Variants in SGCD observed in about 807,000 individuals in gnomAD.
SGCD encodes the protein sarcoglycan delta.
A neutral mutation model predicts 36.6 loss-of-function variants in SGCD; 18 were observed. The observed-to-expected ratio is 0.49, with a 90% CI of 0.34 to 0.73. The LOEUF (loss-of-function observed/expected upper bound fraction) is 0.73. SGCD is among the 30% of genes least tolerant of loss of function. The pLI, the probability that SGCD is intolerant of heterozygous loss-of-function variation, is 0.01. For synonymous variants in SGCD, 133 were observed against 130.6 expected (o/e 1.02, Z -0.12); for missense variants, 387 against 346.7 (o/e 1.12, Z -0.92).
At chr5:156,389,187 C>G (rs1771432948) in intron 3 of SGCD, among the ~76,000 whole-genome samples, 1 of 152,218 alleles carries the variant, frequency 6.6e-6, no homozygotes, top group South Asian at 2.1e-4. Context: ...GCTACAAAAG[C>G]TGGGGGCAAC....
intron 3 of SGCD, among the ~76,000 whole-genome samples, chr5:156,362,419 G>T (rs961582366): frequency 6.6e-6 from 1 of 152,192 alleles, no homozygotes; most frequent in Non-Finnish European, 1.5e-5. Flanking sequence ...AGGCCCAGGC[G>T]GGCGGATCAT....
At chr5:156,565,198 G>C (rs1287874542) in intron 4 of SGCD, among the ~76,000 whole-genome samples, 1 of 151,908 alleles carries the variant, frequency 6.6e-6, no homozygotes, top group Non-Finnish European at 1.5e-5. Flanking sequence ...TAATCATTTT[G>C]TTTGCACAAT....
At chr5:156,691,958 GAGA>G in intron 7 of SGCD, among the ~76,000 whole-genome samples, 1 of 24,128 alleles carries the variant, frequency 4.1e-5, no homozygotes, top group Middle Eastern at 0.017. Flanking sequence ...AATGTAAAAG[GAGA>G]AGCTCTTAAT....
the SGCD span, among the ~76,000 whole-genome samples, chr5:155,791,508 C>T: frequency 6.6e-6 from 1 of 152,048 alleles, no homozygotes; most frequent in Admixed American, 6.6e-5. Context: ...ACATAGAAAA[C>T]CCTTAAGACT....
chr5:156,192,167 T>G (rs958706233), intron 3 of SGCD, among the ~76,000 whole-genome samples: 4 of 152,252 alleles, frequency 2.6e-5, no homozygotes, highest in Admixed American at 2.6e-4. Flanking sequence ...AAAGGAGTCA[T>G]CTTATAATCT....
In SGCD at chr5:156,483,356, A is replaced by T. The variant is rs77544580; in HGVS notation, c.193-25245A>T. Among the ~76,000 whole-genome samples, 1,035 of 152,300 alleles carry T rather than the reference A, an allele frequency of 6.8e-3. 16 individuals carry two copies. The highest frequency in any genetic ancestry group is 0.024 in the African/African-American group (982 of 41,558). ...GGTGTCAGACTGAGACATTTTTAGA[A>T]GGCAAAGAATCTCAGATGTCTGACT... is the stretch of plus-strand genomic sequence containing the variant. On this transcript the variant is annotated intron_variant, in intron 3 of 8. Coordinates refer to ENST00000337851, the MANE Select transcript of SGCD (RefSeq NM_000337.6).
chr5:156,393,724 G>T (rs554581096), intron 3 of SGCD: 1 of 456,196 alleles, frequency 2.2e-6, no homozygotes, highest in South Asian at 1.5e-5. Context: ...CTAACAAAGT[G>T]CTGTCTTACT....
chr5:156,094,012 T>G (rs190033624), intron 1 of SGCD, among the ~76,000 whole-genome samples: 15 of 152,296 alleles, frequency 9.8e-5, no homozygotes, highest in African/African-American at 3.4e-4. Flanking sequence ...ATGGTATTGC[T>G]CTGTGCAAAT....
chr5:155,732,655 A>G, the SGCD span, among the ~76,000 whole-genome samples: 1 of 152,336 alleles, frequency 6.6e-6, no homozygotes, highest in African/African-American at 2.4e-5. Flanking sequence ...GGTCACTTAC[A>G]TCTTAGTCAA....
At chr5:155,808,442 G>A in the SGCD span, among the ~76,000 whole-genome samples, 1 of 152,184 alleles carries the variant, frequency 6.6e-6, no homozygotes, top group African/African-American at 2.4e-5. Flanking sequence ...AACACAATGA[G>A]AGACAGAGAC....
At chr5:155,741,687 C>CTTTTT in the SGCD span, among the ~76,000 whole-genome samples, 24 of 132,240 alleles carry the variant, frequency 1.8e-4, no homozygotes, top group African/African-American at 2.2e-4. Flanking sequence ...CTTTTCTTTT[C>CTTTTT]TTTTTTTTTT....
At chr5:156,129,721 A>C (rs1240531667) in intron 3 of SGCD, among the ~76,000 whole-genome samples, 1 of 152,168 alleles carries the variant, frequency 6.6e-6, no homozygotes, top group African/African-American at 2.4e-5. Context: ...GCTTCCACTT[A>C]TAAGTGAGAA....
chr5:156,412,014 G>T (rs1166278667), intron 3 of SGCD, among the ~76,000 whole-genome samples: 1 of 152,204 alleles, frequency 6.6e-6, no homozygotes, highest in African/African-American at 2.4e-5. Flanking sequence ...GTTCCCTAAA[G>T]AGGAGAATTC....
chr5:156,677,681 G>C (rs1753567225), intron 7 of SGCD, among the ~76,000 whole-genome samples: 1 of 151,758 alleles, frequency 6.6e-6, no homozygotes, highest in Non-Finnish European at 1.5e-5. Context: ...AGAACTTAAA[G>C]TATATAGATA....
chr5:156,445,123 A>G (rs1296438728), intron 3 of SGCD, among the ~76,000 whole-genome samples: 1 of 152,158 alleles, frequency 6.6e-6, no homozygotes, highest in Non-Finnish European at 1.5e-5. Flanking sequence ...GAGAAGCCCT[A>G]ACTTAAAAGG....
At chr5:156,664,451 T>C (rs1375296880) in intron 7 of SGCD, among the ~76,000 whole-genome samples, 6 of 146,950 alleles carry the variant, frequency 4.1e-5, no homozygotes, top group African/African-American at 1.3e-4. Context: ...TGTCTTACTG[T>C]ATTAAATGAG....
At chr5:155,828,528 G>C in the SGCD span, among the ~76,000 whole-genome samples, 2 of 152,206 alleles carry the variant, frequency 1.3e-5, no homozygotes, top group Admixed American at 1.3e-4. Context: ...AATATCTATG[G>C]TAGATGTGTG....
chr5:156,511,222 C>A (rs10074497), intron 4 of SGCD, among the ~76,000 whole-genome samples: 2,908 of 152,198 alleles, frequency 0.019, 102 homozygotes, highest in African/African-American at 0.066. Context: ...AAAGAAGTAT[C>A]TTCTAACTGA....
intron 3 of SGCD, among the ~76,000 whole-genome samples, chr5:156,216,985 G>A (rs1764592290): frequency 6.6e-6 from 1 of 152,184 alleles, no homozygotes; most frequent in East Asian, 1.9e-4. Context: ...GGTTGAGGCA[G>A]GAGAAACACT....
Sources: allele counts gnomAD v4.1 joint callset (sites outside exome capture counted in the v4.1 genomes callset), GRCh38; gene constraint gnomAD v4.1.1; transcripts MANE v1.5; gene names NCBI Gene and HGNC (gene_info 2026-07-23, HGNC 2026-07-21).